The following MYH11 variants were observed in gnomAD, a reference collection of about 807,000 sequenced individuals.
MYH11 encodes myosin heavy chain 11.
A neutral mutation model predicts 246.6 loss-of-function variants in MYH11; 80 were observed. The observed-to-expected ratio is 0.32, with a 90% CI of 0.27 to 0.39. MYH11 has a LOEUF of 0.39. MYH11 is among the 10% of genes least tolerant of loss of function. The pLI, the probability that MYH11 is intolerant of heterozygous loss-of-function variation, is 1.00. For synonymous variants in MYH11, 1,071 were observed against 1,015.5 expected (o/e 1.05, Z -1.04); for missense variants, 2,158 against 2,546.8 (o/e 0.85, Z 3.29).
chr16:15,852,985 C>T (rs1300105773), intron 1 of MYH11, among the ~76,000 whole-genome samples: 8 of 152,182 alleles, frequency 5.3e-5, no homozygotes, highest in Non-Finnish European at 7.3e-5. Context: ...CTCACTGCTT[C>T]ATCCCTTGAG....
intron 31 of MYH11, among the ~76,000 whole-genome samples, chr16:15,723,516 G>A (rs753072271): frequency 1.3e-5 from 2 of 152,174 alleles, no homozygotes; most frequent in Non-Finnish European, 2.9e-5. Flanking sequence ...ACATAGTGGT[G>A]TGCTCCTATA....
At chr16:15,745,282 C>G (rs575661417) in intron 19 of MYH11, 45 bp from the exon 20 acceptor site, 6 of 1,412,368 alleles carry the variant, frequency 4.2e-6, no homozygotes, top group African/African-American at 4.2e-5. Flanking sequence ...GAAGCCACAC[C>G]CTGCTGTCAA....
intron 40 of MYH11, chr16:15,708,666 T>C (rs1446735870): frequency 1.0e-5 from 9 of 893,904 alleles, no homozygotes; most frequent in East Asian, 5.3e-5. Context: ...CACAAAGATA[T>C]CCAAGCCTCC....
chr16:15,730,020 C>T (rs1249888135), intron 27 of MYH11, among the ~76,000 whole-genome samples: 4 of 152,072 alleles, frequency 2.6e-5, no homozygotes, highest in Non-Finnish European at 5.9e-5. Flanking sequence ...AGCACTATCC[C>T]TTTGGTGCTG....
In MYH11 at chr16:15,840,866, G is replaced by T. The variant is rs1317391684; in HGVS notation, c.-17-2597C>A. On this transcript the variant is annotated intron_variant, in intron 1 of 40. Transcript: ENST00000300036. ...TGTACACTTAAAAAAACTTGAATTT[G>T]TTTTAAATCGGTGAGTTTTACTTTA... Among the ~76,000 whole-genome samples the T allele has an allele frequency of 2.0e-5, 3 of 152,200 alleles. No homozygotes were observed. The East Asian group carries it at 5.8e-4, about 29-fold the overall frequency.
chr16:15,798,836 C>T, intron 3 of MYH11, 149 bp from the exon 4 acceptor site: 1 of 877,162 alleles, frequency 1.1e-6, no homozygotes, highest in Middle Eastern at 2.4e-4. Context: ...GGGCTCATTG[C>T]CCAGGCTACA....
rs368583753 is a variant in MYH11 at position 15,703,913 on chromosome 16, GGTT to G, written c.*75_*77del. 682 of 1,594,472 alleles carry G rather than the reference GGTT, an allele frequency of 4.3e-4. 11 individuals are homozygous for G. The South Asian group carries it at 6.0e-3, about 14-fold the overall frequency. Reference sequence around the variant, plus strand: ...GTCTGCTGGGTTTTGCTTTGTTCTGGGTTGTTGTTGGGTTTTTTTTGTTTGTTT... The same window carrying G: ...GTCTGCTGGGTTTTGCTTTGTTCTGGGTTGTTGGGTTTTTTTTGTTTGTTT... On this transcript the variant is annotated 3_prime_UTR_variant, in exon 41 of 41. Transcript: ENST00000300036.
intron 7 of MYH11, among the ~76,000 whole-genome samples, chr16:15,776,774 C>A (rs1358159448): frequency 6.6e-6 from 1 of 152,180 alleles, no homozygotes; most frequent in African/African-American, 2.4e-5. Context: ...AGACCGTAAA[C>A]ACGCCACACT....
Position 15,787,481 on chromosome 16 carries a change from C to CTTTT in MYH11, c.531-753_531-750dup, listed in dbSNP as rs370002467. ...AAACAGGTTTATTTGGAATTATCTA[C>CTTTT]TTTTTTTTTTTTTTTTTTTTGAGAT... On this transcript the variant is annotated intron_variant, in intron 4 of 40. Transcript: ENST00000300036. Among the ~76,000 whole-genome samples the CTTTT allele has an allele frequency of 5.4e-4, 63 of 116,022 alleles. 1 individual carries two copies. Among genetic ancestry groups the CTTTT allele is most frequent in the Middle Eastern group, 5.5e-3 (1 of 182 alleles). The allele number at this position is 116,022 out of a possible 152,430, so 76.1% of individuals were successfully genotyped here. A position where few individuals can be genotyped will look rare whatever the true frequency, so the allele number is the denominator to read the frequency against.
At chr16:15,820,633 A>C (rs1046746949) in intron 3 of MYH11, among the ~76,000 whole-genome samples, 1 of 152,164 alleles carries the variant, frequency 6.6e-6, no homozygotes, top group Non-Finnish European at 1.5e-5. Flanking sequence ...CCATCAAATA[A>C]ATCTGTAAGA....
chr16:15,828,804 G>GAAGC (rs2043644177), intron 2 of MYH11, among the ~76,000 whole-genome samples: 1 of 86,696 alleles, frequency 1.2e-5, no homozygotes, highest in Non-Finnish European at 2.3e-5. Flanking sequence ...AAAAAAAAAA[G>GAAGC]AAGGAAGGAA....
intron 7 of MYH11, among the ~76,000 whole-genome samples, chr16:15,777,104 T>TACATAC (rs2042239754): frequency 6.8e-6 from 1 of 147,878 alleles, no homozygotes; most frequent in Non-Finnish European, 1.5e-5. Context: ...CACGCACACA[T>TACATAC]ACACACACAC....
intron 37 of MYH11, chr16:15,718,002 G>A (rs1192819355): frequency 6.5e-6 from 3 of 460,980 alleles, no homozygotes; most frequent in Non-Finnish European, 1.2e-5. Context: ...TAAGGTCAGA[G>A]CTTCAGCTAG....
chr16:15,751,194 CTT>C (rs2041560486), intron 15 of MYH11, among the ~76,000 whole-genome samples: 1 of 151,238 alleles, frequency 6.6e-6, no homozygotes, highest in South Asian at 2.1e-4. Context: ...GAGTTTCACT[CTT>C]GTTGGCCAGG....
intron 5 of MYH11, 62 bp from the exon 6 acceptor site, chr16:15,782,539 G>T: frequency 1.5e-6 from 2 of 1,354,116 alleles, no homozygotes; most frequent in Non-Finnish European, 1.1e-6. Flanking sequence ...GTTCTACCTT[G>T]GATGGATGTT....
chr16:15,829,062 T>C (rs1172465335), intron 2 of MYH11, among the ~76,000 whole-genome samples: 1 of 151,560 alleles, frequency 6.6e-6, no homozygotes, highest in Non-Finnish European at 1.5e-5. Context: ...CGCATGCCTG[T>C]AATCCCAGCT....
intron 1 of MYH11, among the ~76,000 whole-genome samples, chr16:15,845,693 CGT>C (rs921242224): frequency 3.3e-4 from 48 of 145,422 alleles, no homozygotes; most frequent in African/African-American, 9.3e-4. Flanking sequence ...CGCAGCAGAT[CGT>C]GTGTGTGTGT....
chr16:15,792,124 T>A (rs1248964685), intron 4 of MYH11: 1 of 152,208 alleles, frequency 6.6e-6, no homozygotes, highest in Admixed American at 6.5e-5. Context: ...AGTGGCACAA[T>A]CTTGACTCAC....
intron 40 of MYH11, among the ~76,000 whole-genome samples, chr16:15,706,161 G>A (rs2039442088): frequency 6.6e-6 from 1 of 152,084 alleles, no homozygotes; most frequent in Non-Finnish European, 1.5e-5. Context: ...ACTTAAAGCT[G>A]CAGCCACTTC....
Sources: allele counts gnomAD v4.1 joint callset (sites outside exome capture counted in the v4.1 genomes callset), GRCh38; gene constraint gnomAD v4.1.1; transcripts MANE v1.5; gene names NCBI Gene and HGNC (gene_info 2026-07-23, HGNC 2026-07-21).